ACTR3C: variants seen among roughly 807,000 people sequenced by gnomAD.
ACTR3C encodes actin related protein 3C, also known as actin-related protein 3C.
A neutral mutation model predicts 26.3 loss-of-function variants in ACTR3C; 18 were observed. That is an observed-to-expected ratio of 0.68 (90% confidence interval 0.47 to 1.01). ACTR3C has a LOEUF of 1.01. Among genes scored for constraint, ACTR3C ranks in the 50% least tolerant of loss-of-function variants. The pLI is 0.00. For synonymous variants in ACTR3C, 55 were observed against 94.5 expected, an observed-to-expected ratio of 0.58 and a Z score of 2.42; for missense variants, 184 against 250.7, an observed-to-expected ratio of 0.73 and a Z score of 1.80.
At chr7:150,204,992 A>G in the ACTR3C span, among the ~76,000 whole-genome samples, 1 of 152,230 alleles carries the variant, frequency 6.6e-6, no homozygotes, top group African/African-American at 2.4e-5. Context: ...CAGCCGCTCA[A>G]GCTCACAGAG....
the ACTR3C span, among the ~76,000 whole-genome samples, chr7:150,028,407 C>T: frequency 6.6e-6 from 1 of 152,290 alleles, no homozygotes; most frequent in Non-Finnish European, 1.5e-5. Context: ...CACGGGAGAT[C>T]AAACCTCAAT....
the ACTR3C span, among the ~76,000 whole-genome samples, chr7:149,955,522 G>T: frequency 2.6e-4 from 39 of 152,112 alleles, no homozygotes; most frequent in South Asian, 8.3e-4. Flanking sequence ...CTCCACCTGT[G>T]CAGTGATGGG....
the ACTR3C span, among the ~76,000 whole-genome samples, chr7:150,168,660 A>T: frequency 1.7e-4 from 25 of 150,762 alleles, no homozygotes; most frequent in African/African-American, 6.0e-4. Context: ...GTGCCAAAAA[A>T]GTTGGGGACT....
At chr7:149,996,161 C>A in the ACTR3C span, among the ~76,000 whole-genome samples, 1 of 152,268 alleles carries the variant, frequency 6.6e-6, no homozygotes, top group Non-Finnish European at 1.5e-5. Context: ...GCCAGCAGTG[C>A]GGAAGCCCTC....
chr7:150,238,671 G>A, the ACTR3C span, among the ~76,000 whole-genome samples: 1 of 146,826 alleles, frequency 6.8e-6, no homozygotes, highest in Non-Finnish European at 1.5e-5. Flanking sequence ...GGATTGTTAT[G>A]ACATTTGCAG....
chr7:150,132,044 T>C, the ACTR3C span, among the ~76,000 whole-genome samples: 1 of 152,188 alleles, frequency 6.6e-6, no homozygotes, highest in African/African-American at 2.4e-5. Flanking sequence ...CGATGGCTAT[T>C]GAGGAATACA....
chr7:150,097,662 T>C, the ACTR3C span, among the ~76,000 whole-genome samples: 13 of 151,292 alleles, frequency 8.6e-5, no homozygotes, highest in Non-Finnish European at 1.8e-4. Flanking sequence ...TTTTTTCTCA[T>C]CCCCTCAAAA....
chr7:150,225,603 C>T, the ACTR3C span, among the ~76,000 whole-genome samples: 3 of 152,242 alleles, frequency 2.0e-5, no homozygotes, highest in African/African-American at 7.2e-5. Flanking sequence ...TTTCTTTTGA[C>T]TGTGTCTTAC....
intron 6 of ACTR3C, among the ~76,000 whole-genome samples, chr7:150,275,820 A>G (rs1233038369): frequency 2.0e-5 from 3 of 152,142 alleles, no homozygotes; most frequent in Non-Finnish European, 4.4e-5. Flanking sequence ...TTTAGATTGG[A>G]AATCATGCAC....
the ACTR3C span, among the ~76,000 whole-genome samples, chr7:150,117,499 C>T: frequency 1.6e-4 from 24 of 152,334 alleles, no homozygotes; most frequent in Admixed American, 9.8e-4. Flanking sequence ...CATGGCAGCA[C>T]GGCCAAGCCA....
At chr7:149,970,535 C>G in the ACTR3C span, among the ~76,000 whole-genome samples, 1 of 152,204 alleles carries the variant, frequency 6.6e-6, no homozygotes, top group African/African-American at 2.4e-5. Context: ...TTTCATCTGT[C>G]TCGATGTGAA....
chr7:150,037,841 GAGGGTGCCTCCGCCCCCAGCGAT>G, the ACTR3C span, among the ~76,000 whole-genome samples: 1 of 86,792 alleles, frequency 1.2e-5, no homozygotes, highest in Admixed American at 1.1e-4. Context: ...CTGCCTCGCG[GAGGGTGCCTCCGCCCCCAGCGAT>G]GGGGGTCCTA....
chr7:150,014,706 G>A, the ACTR3C span, among the ~76,000 whole-genome samples: 1 of 152,186 alleles, frequency 6.6e-6, no homozygotes, highest in Non-Finnish European at 1.5e-5. Flanking sequence ...CCTAAGAAAG[G>A]AATGGCAACT....
the ACTR3C span, chr7:150,044,858 C>T: frequency 6.6e-6 from 1 of 152,192 alleles, no homozygotes; most frequent in Non-Finnish European, 1.5e-5. Flanking sequence ...AACAGTCTTC[C>T]CTGACAAGCC....
the ACTR3C span, among the ~76,000 whole-genome samples, chr7:150,125,817 C>G: frequency 2.0e-3 from 300 of 152,174 alleles, no homozygotes; most frequent in Non-Finnish European, 3.3e-3. Context: ...AGGATTCGAA[C>G]CCTTAGCCAA....
the ACTR3C span, among the ~76,000 whole-genome samples, chr7:149,967,373 T>C: frequency 3.9e-5 from 6 of 152,106 alleles, no homozygotes; most frequent in African/African-American, 1.4e-4. Flanking sequence ...GGTTTCACCA[T>C]GTTGGCTAAG....
At chr7:150,199,374 A>G in the ACTR3C span, among the ~76,000 whole-genome samples, 4 of 116,514 alleles carry the variant, frequency 3.4e-5, no homozygotes, top group Non-Finnish European at 5.1e-5. Context: ...GGGCGGTGCA[A>G]GATGTGCTTT....
chr7:149,970,675 C>T, the ACTR3C span, among the ~76,000 whole-genome samples: 1 of 151,972 alleles, frequency 6.6e-6, no homozygotes, highest in Admixed American at 6.5e-5. Context: ...ACACATTTAA[C>T]CAACCAACCA....
the ACTR3C span, among the ~76,000 whole-genome samples, chr7:149,964,023 C>A: frequency 6.6e-6 from 1 of 152,034 alleles, no homozygotes; most frequent in African/African-American, 2.4e-5. Context: ...TACAGAGGAG[C>A]AACATGAGCC....
Sources: gnomAD v4.1 joint callset for allele counts (sites outside exome capture counted in the v4.1 genomes callset) on GRCh38, gnomAD v4.1.1 for gene constraint, MANE v1.5 for transcripts, NCBI Gene and HGNC (gene_info 2026-07-23, HGNC 2026-07-21) for gene names.